ZNF469: variants seen among roughly 807,000 people sequenced by gnomAD.
ZNF469 encodes zinc finger protein 469.
A neutral mutation model predicts 1.0 loss-of-function variants in ZNF469; 1 was observed. The ratio of observed to expected loss-of-function variants is 1.00; its 90% CI spans 0.35 to 4.73. The LOEUF is 4.73. ZNF469 is among the 30% of genes most tolerant of loss of function. The pLI is 0.16. For missense variants in ZNF469, 6,100 were observed against 5,356.3 expected (o/e 1.14, Z -4.33); for synonymous variants, 2,703 against 2,363.4 (o/e 1.14, Z -4.17).
the ZNF469 span, among the ~76,000 whole-genome samples, chr16:88,296,129 G>GA: frequency 6.6e-6 from 1 of 152,198 alleles, no homozygotes; most frequent in Non-Finnish European, 1.5e-5. Flanking sequence ...CCTGCGACAG[G>GA]AATTTCCCCG....
At chr16:88,221,548 G>C in the ZNF469 span, among the ~76,000 whole-genome samples, 11 of 152,216 alleles carry the variant, frequency 7.2e-5, no homozygotes, top group African/African-American at 2.7e-4. Context: ...TGCCGGAGAA[G>C]GGGCCTGGCT....
the ZNF469 span, among the ~76,000 whole-genome samples, chr16:88,247,949 A>G: frequency 6.6e-6 from 1 of 152,216 alleles, no homozygotes; most frequent in Admixed American, 6.5e-5. Flanking sequence ...CGGAACGTAT[A>G]AGCATTGTTC....
the ZNF469 span, among the ~76,000 whole-genome samples, chr16:88,129,732 C>G: frequency 3.9e-4 from 60 of 152,250 alleles, no homozygotes; most frequent in African/African-American, 1.4e-3. Context: ...TGGTGGCGCA[C>G]GCCTGCAGTC....
rs756277188 is a variant in ZNF469, at chr16:88,431,562, G to T, written c.4092G>T (p.Leu1364Phe). The T allele has an allele frequency of 1.9e-6, 3 of 1,550,328 alleles. No individual in the cohort carries two copies. The African/African-American group carries it at 4.1e-5, about 21-fold the overall frequency. ...CTGCTGGTTTTAACAGAGACCCCTT[G>T]GGGGTTCCAGTTGCCAAAAAGGGGC... ...CDPAGFNRDP[L>F]GVPVAKKGPQ... The change falls in exon 3 of 3, where the codon TTG (leucine) becomes TTT (phenylalanine). Residue 1364 changes from leucine (L) to phenylalanine (F), a missense_variant. Transcript: ENST00000565624.
At chr16:88,247,195 C>T in the ZNF469 span, among the ~76,000 whole-genome samples, 47 of 143,958 alleles carry the variant, frequency 3.3e-4, no homozygotes, top group African/African-American at 1.1e-3. Context: ...AGTGAATCAG[C>T]GAGTGAATGA....
the ZNF469 span, among the ~76,000 whole-genome samples, chr16:88,306,549 G>A: frequency 6.6e-6 from 1 of 152,242 alleles, no homozygotes; most frequent in East Asian, 1.9e-4. Flanking sequence ...CCAGAGGGTG[G>A]TGGGGTGTGG....
At chr16:88,363,952 G>A in the ZNF469 span, among the ~76,000 whole-genome samples, 13 of 152,208 alleles carry the variant, frequency 8.5e-5, no homozygotes, top group South Asian at 2.1e-4. Context: ...ACTCTCTAAT[G>A]GTGTCTACTG....
chr16:88,342,080 G>C, the ZNF469 span, among the ~76,000 whole-genome samples: 7 of 151,968 alleles, frequency 4.6e-5, no homozygotes, highest in Middle Eastern at 3.4e-3. Flanking sequence ...GCGGGGCGGG[G>C]CTGGCTGGGG....
At chr16:88,322,466 G>T in the ZNF469 span, among the ~76,000 whole-genome samples, 1 of 152,220 alleles carries the variant, frequency 6.6e-6, no homozygotes, top group Non-Finnish European at 1.5e-5. Flanking sequence ...CTCCACAGCC[G>T]CAGCCACCCA....
At chr16:88,236,633 G>A in the ZNF469 span, among the ~76,000 whole-genome samples, 1 of 152,222 alleles carries the variant, frequency 6.6e-6, no homozygotes, top group African/African-American at 2.4e-5. Flanking sequence ...TTGGGAGGCC[G>A]AGGCAGGTGG....
At chr16:88,220,099 T>C in the ZNF469 span, among the ~76,000 whole-genome samples, 5 of 151,512 alleles carry the variant, frequency 3.3e-5, no homozygotes, top group African/African-American at 1.2e-4. Flanking sequence ...TCCAATAGAG[T>C]TTTTCTAGCC....
rs559540332 is a variant in ZNF469, at chr16:88,439,603, T to A, written c.*271T>A. 3 of 502,162 alleles carry A rather than the reference T, an allele frequency of 6.0e-6. No homozygotes were observed. The East Asian group carries it at 1.1e-4, about 19-fold the overall frequency. 31.1% of individuals were successfully genotyped at this position (502,162 alleles called of 1,614,324 possible). On this transcript the variant is annotated 3_prime_UTR_variant, in exon 3 of 3. Coordinates refer to ENST00000565624, the MANE Select transcript of ZNF469 (RefSeq NM_001367624.2). ...AGCTGTTTTCTTGGTACCAAGTACTTGAAGAGACAGCAGCCCATCCCCTCA... is the reference window on the plus strand; with the variant it reads ...AGCTGTTTTCTTGGTACCAAGTACTAGAAGAGACAGCAGCCCATCCCCTCA...
chr16:88,168,851 T>A, the ZNF469 span, among the ~76,000 whole-genome samples: 2 of 152,124 alleles, frequency 1.3e-5, no homozygotes, highest in Non-Finnish European at 2.9e-5. The surrounding 1 kb of genome is among the most constrained non-coding windows in gnomAD (Gnocchi z 4.3). Flanking sequence ...ATCCCAGAGC[T>A]TTGGGAAGCC....
the ZNF469 span, among the ~76,000 whole-genome samples, chr16:88,236,799 G>A: frequency 6.6e-4 from 101 of 152,026 alleles, no homozygotes; most frequent in African/African-American, 2.3e-3. Flanking sequence ...CCTGGGAGGC[G>A]GAGGTTGCTG....
chr16:88,373,665 G>A, the ZNF469 span, among the ~76,000 whole-genome samples: 2 of 152,316 alleles, frequency 1.3e-5, no homozygotes, highest in African/African-American at 4.8e-5. Context: ...AGCACAGAGG[G>A]CTACCTTCAG....
At chr16:88,347,974 G>A in the ZNF469 span, among the ~76,000 whole-genome samples, 1 of 152,240 alleles carries the variant, frequency 6.6e-6, no homozygotes, top group African/African-American at 2.4e-5. Flanking sequence ...CAGGTGTCAG[G>A]AGCCCAGAGG....
the ZNF469 span, among the ~76,000 whole-genome samples, chr16:88,189,178 A>T: frequency 6.6e-6 from 1 of 152,182 alleles, no homozygotes; most frequent in Non-Finnish European, 1.5e-5. This position sits in a 1 kb window ranked among gnomAD's most constrained non-coding sequence, Gnocchi z 4.3. Flanking sequence ...CCTCTGTTGG[A>T]CCTTCCCAAG....
chr16:88,350,305 T>A, the ZNF469 span, among the ~76,000 whole-genome samples: 1 of 152,172 alleles, frequency 6.6e-6, no homozygotes, highest in Non-Finnish European at 1.5e-5. Context: ...CTTGGCATGA[T>A]CCACGCAGGG....
At chr16:88,259,714 T>C in the ZNF469 span, among the ~76,000 whole-genome samples, 1 of 142,556 alleles carries the variant, frequency 7.0e-6, no homozygotes, top group Non-Finnish European at 1.6e-5. This position sits in a 1 kb window ranked among gnomAD's most constrained non-coding sequence, Gnocchi z 4.1. Context: ...CTCACACCAA[T>C]GTCCCAGGGT....
Sources: gnomAD v4.1 joint callset for allele counts (sites outside exome capture counted in the v4.1 genomes callset) on GRCh38, gnomAD v4.1.1 for gene constraint, Gnocchi (gnomAD v3.1) non-coding constraint, MANE v1.5 for transcripts, NCBI Gene and HGNC (gene_info 2026-07-23, HGNC 2026-07-21) for gene names.